The following MAD1L1 variants were observed in gnomAD, a reference collection of about 807,000 sequenced individuals.
The protein encoded by MAD1L1 is mitotic arrest deficient 1 like 1.
In MAD1L1, 95 loss-of-function variants were observed where a neutral mutation model predicts 96.9. That is an observed-to-expected ratio of 0.98 (90% confidence interval 0.83 to 1.16). The LOEUF (loss-of-function observed/expected upper bound fraction) is 1.16, where lower values mean the gene tolerates loss of function less well. Ranked by LOEUF, MAD1L1 falls within the 50% of genes most tolerant of loss-of-function variation. MAD1L1 has a pLI of 0.00. For missense variants in MAD1L1, 1,007 were observed against 954.4 expected (o/e 1.06, Z -0.73); for synonymous variants, 473 against 396.6 (o/e 1.19, Z -2.29).
At chr7:1,845,148 G>T (rs923350292) in intron 18 of MAD1L1, among the ~76,000 whole-genome samples, 2 of 152,242 alleles carry the variant, frequency 1.3e-5, no homozygotes, top group Non-Finnish European at 1.5e-5. Flanking sequence ...TGGCTGATAC[G>T]CTGACCAGCT....
At chr7:1,920,335 T>C (rs1788704349) in intron 17 of MAD1L1, among the ~76,000 whole-genome samples, 1 of 152,218 alleles carries the variant, frequency 6.6e-6, no homozygotes, top group African/African-American at 2.4e-5. Flanking sequence ...GGGGCTGTGT[T>C]GTCTGCAGAT....
intron 10 of MAD1L1, among the ~76,000 whole-genome samples, chr7:2,195,423 G>T (rs1791936580): frequency 1.3e-5 from 2 of 152,332 alleles, no homozygotes; most frequent in African/African-American, 4.8e-5. Flanking sequence ...TGCAGGAAAA[G>T]TAAAAACTAG....
intron 10 of MAD1L1, among the ~76,000 whole-genome samples, chr7:2,161,488 C>G (rs554245770): frequency 6.6e-6 from 1 of 152,208 alleles, no homozygotes; most frequent in South Asian, 2.1e-4. Context: ...GACTTGGCCT[C>G]CCAAAGTGCC....
intron 11 of MAD1L1, among the ~76,000 whole-genome samples, chr7:2,143,332 T>A (rs1789135047): frequency 2.7e-5 from 4 of 149,830 alleles, no homozygotes. Flanking sequence ...ATGGATCTCG[T>A]ATGCCTTGCT....
rs1425632382 is a variant in MAD1L1 at position 1,816,053 on chromosome 7, G to T, written c.*17C>A. The T allele has an allele frequency of 1.3e-6, 2 of 1,598,402 alleles. No homozygotes were observed. Among genetic ancestry groups the T allele is most frequent in the South Asian group, 2.2e-5 (2 of 89,496 alleles). On this transcript the variant is annotated 3_prime_UTR_variant, in exon 19 of 19. Coordinates refer to ENST00000265854, the MANE Select transcript of MAD1L1 (RefSeq NM_001013836.2). ...GGCCAAGCAGAGTGGCTCCGGCTAT[G>T]CCCCCGAGCCTGCAGGCTACGCCAC...
At chr7:1,823,533 C>T (rs1782235964) in intron 18 of MAD1L1, among the ~76,000 whole-genome samples, 1 of 152,162 alleles carries the variant, frequency 6.6e-6, no homozygotes, top group Admixed American at 6.5e-5. Context: ...GACCCTGGCA[C>T]CTGGAGGGGT....
chr7:1,821,098 G>T (rs1312941351), intron 18 of MAD1L1, among the ~76,000 whole-genome samples: 2 of 148,886 alleles, frequency 1.3e-5, no homozygotes, highest in African/African-American at 4.9e-5. Flanking sequence ...AAAAAAGGGG[G>T]GGGGGAGAGT....
chr7:1,891,611 T>C (rs1398081685), intron 18 of MAD1L1, among the ~76,000 whole-genome samples: 5 of 152,026 alleles, frequency 3.3e-5, no homozygotes, highest in Non-Finnish European at 5.9e-5. Flanking sequence ...GGGATCTCAC[T>C]CTGTCACCCA....
At chr7:2,108,539 T>C (rs1787211221) in intron 11 of MAD1L1, among the ~76,000 whole-genome samples, 2 of 152,266 alleles carry the variant, frequency 1.3e-5, no homozygotes, top group Admixed American at 6.5e-5. Context: ...AATTTGATTT[T>C]TCATTTTCAA....
At chr7:2,179,625 G>C (rs990192411) in intron 10 of MAD1L1, among the ~76,000 whole-genome samples, 1 of 151,494 alleles carries the variant, frequency 6.6e-6, no homozygotes, top group African/African-American at 2.4e-5. Flanking sequence ...CCAAAGAAGA[G>C]TTATTACTTG....
chr7:2,179,304 T>G (rs189006866), intron 10 of MAD1L1, among the ~76,000 whole-genome samples: 9 of 151,910 alleles, frequency 5.9e-5, no homozygotes, highest in Non-Finnish European at 1.0e-4. Context: ...CCGAGGCACA[T>G]GGACCACAAG....
intron 18 of MAD1L1, chr7:1,874,690 C>A (rs1397177981): frequency 1.1e-5 from 4 of 370,978 alleles, no homozygotes; most frequent in Middle Eastern, 4.9e-4. Flanking sequence ...CTGCTACCTG[C>A]TCGATTGGGG....
chr7:1,982,576 T>C (rs1055806315), intron 14 of MAD1L1, among the ~76,000 whole-genome samples: 2 of 152,216 alleles, frequency 1.3e-5, no homozygotes, highest in African/African-American at 2.4e-5. Flanking sequence ...CCCCCTTCAC[T>C]AAATTCCGAC....
intron 10 of MAD1L1, among the ~76,000 whole-genome samples, chr7:2,189,958 A>G (rs1791641740): frequency 6.6e-6 from 1 of 152,200 alleles, no homozygotes; most frequent in Non-Finnish European, 1.5e-5. Flanking sequence ...CATTCTCACC[A>G]TGCCCAGGTA....
rs907011777 is a variant in MAD1L1, at chr7:2,213,095, C to T, written c.986+117G>A. On this transcript the variant is annotated intron_variant, in intron 10 of 18. Coordinates refer to ENST00000265854, the MANE Select transcript of MAD1L1 (RefSeq NM_001013836.2). ...TGAGCAGCCCAGGACAAATGCCCCG[C>T]ACCAGCCACAGAGATGCCTGGCTGG... The T allele has an allele frequency of 2.4e-5, 26 of 1,071,156 alleles. No individual in the cohort carries two copies. The African/African-American group carries it at 3.6e-4, about 15-fold the overall frequency. The allele number at this position is 1,071,156 out of a possible 1,614,324, so 66.4% of individuals were successfully genotyped here.
intron 17 of MAD1L1, among the ~76,000 whole-genome samples, chr7:1,920,236 G>C (rs954132330): frequency 3.3e-5 from 5 of 150,740 alleles, no homozygotes; most frequent in African/African-American, 1.2e-4. Flanking sequence ...GCATCTCCGT[G>C]TGCGTGCGTG....
intron 16 of MAD1L1, among the ~76,000 whole-genome samples, chr7:1,947,497 C>T (rs1779284395): frequency 6.6e-6 from 1 of 152,266 alleles, no homozygotes; most frequent in African/African-American, 2.4e-5. Flanking sequence ...CGAGGCAGCT[C>T]GGGCTGTGCC....
At chr7:2,047,210 G>A (rs184301938) in intron 12 of MAD1L1, among the ~76,000 whole-genome samples, 5 of 152,306 alleles carry the variant, frequency 3.3e-5, no homozygotes, top group Admixed American at 1.3e-4. Context: ...AGCAGGCAAT[G>A]AGAACTGTGG....
intron 17 of MAD1L1, among the ~76,000 whole-genome samples, chr7:1,919,207 C>A (rs555111567): frequency 2.0e-5 from 3 of 152,362 alleles, no homozygotes; most frequent in African/African-American, 7.2e-5. Flanking sequence ...AGCTGAGATG[C>A]AGAGAGAAAA....
Sources: allele counts gnomAD v4.1 joint callset (sites outside exome capture counted in the v4.1 genomes callset), GRCh38; gene constraint gnomAD v4.1.1; transcripts MANE v1.5; gene names NCBI Gene and HGNC (gene_info 2026-07-23, HGNC 2026-07-21).